Variants in TENM4 observed in about 807,000 individuals in gnomAD.
TENM4 encodes teneurin-4.
TENM4 carries 82 observed loss-of-function variants against 243.3 expected under a neutral mutation model. The ratio of observed to expected loss-of-function variants is 0.34; its 90% CI spans 0.28 to 0.40. The LOEUF (loss-of-function observed/expected upper bound fraction) is 0.40. Ranked by LOEUF, TENM4 falls within the 10% of genes least tolerant of loss-of-function variation. The pLI is 1.00. For missense variants in TENM4, 3,138 were observed against 3,673.3 expected (o/e 0.85, Z 3.77); for synonymous variants, 1,412 against 1,456.3 (o/e 0.97, Z 0.69).
At chr11:78,732,607 C>T (rs201741437) in intron 20 of TENM4, 30 bp from the exon 21 acceptor site, 85 of 1,556,316 alleles carry the variant, frequency 5.5e-5, no homozygotes, top group South Asian at 3.5e-4. Context: ...TGAGAAGGGG[C>T]GGGGAGCAGG....
intron 4 of TENM4, among the ~76,000 whole-genome samples, chr11:79,138,089 A>C (rs971266717): frequency 1.3e-5 from 2 of 151,660 alleles, no homozygotes; most frequent in Non-Finnish European, 2.9e-5. Context: ...ATCAGTTGCC[A>C]GCATGGCTAG....
intron 3 of TENM4, among the ~76,000 whole-genome samples, chr11:79,164,002 AG>A (rs59144840): frequency 6.5e-4 from 47 of 72,774 alleles, no homozygotes; most frequent in African/African-American, 1.9e-3. Context: ...TATATAGTAT[AG>A]TATATAGTAT....
rs1339842469 is a variant in TENM4 at position 78,658,072 on chromosome 11, T to A, written c.8296A>T (p.Met2766Leu). ...GGTCCTCTCTGTCACCTCCGGCCCATCTCGCTCTGTCTCATGAAGTGGATG... is the reference window on the plus strand; with the variant it reads ...GGTCCTCTCTGTCACCTCCGGCCCAACTCGCTCTGTCTCATGAAGTGGATG... ...NNIHFMRQSEMGRR is the reference protein window; with the variant it reads ...NNIHFMRQSELGRR The change falls in exon 34 of 34, where the codon ATG becomes TTG. Residue 2766 changes from methionine to leucine, a missense_variant. By Grantham distance (15) the Met-to-Leu change is conservative. Around this residue, in one of 2 missense-constraint regions of TENM4, gnomAD observed 2,467 missense variants for 3,059.1 expected, o/e 0.81. Transcript: ENST00000278550. 1 of 1,612,678 alleles carries A rather than the reference T, an allele frequency of 6.2e-7. No homozygotes were observed. Among genetic ancestry groups the A allele is most frequent in the South Asian group, 1.1e-5 (1 of 90,990 alleles).
intron 16 of TENM4, among the ~76,000 whole-genome samples, chr11:78,786,377 G>T (rs1856935808): frequency 6.6e-6 from 1 of 152,268 alleles, no homozygotes; most frequent in South Asian, 2.1e-4. Flanking sequence ...AGCCCAGTGG[G>T]CATGGAGGGC....
chr11:79,411,459 G>A (rs192309135), intron 1 of TENM4, among the ~76,000 whole-genome samples: 3 of 152,296 alleles, frequency 2.0e-5, no homozygotes, highest in South Asian at 2.1e-4. Flanking sequence ...GCTCTCCAGC[G>A]TGAAGCAAGT....
chr11:78,889,788 C>A lies in TENM4; in HGVS notation c.1081G>T (p.Val361Leu), dbSNP rs1443540946. ...ATLVILLAYFVAMHLFGLNWH... is the reference protein window; with the variant it reads ...ATLVILLAYFLAMHLFGLNWH... Reference sequence around the variant, plus strand: ...GCTGGGGTGAAGAGGTGCTTACCCACAAAGTATGCCAGCAGGATGACCAGA... The same window carrying A: ...GCTGGGGTGAAGAGGTGCTTACCCAAAAAGTATGCCAGCAGGATGACCAGA... The change falls in exon 9 of 34, where the codon GTG becomes TTG. Residue 361 changes from valine (V) to leucine (L), a missense_variant. Around this residue, in one of 2 missense-constraint regions of TENM4, gnomAD observed 671 missense variants for 614.1 expected, o/e 1.09. Transcript: ENST00000278550. 3.2e-6 allele frequency: 5 copies of A among 1,552,020 alleles called. No individual in the cohort carries two copies. Among genetic ancestry groups the A allele is most frequent in the Non-Finnish European group, 4.4e-6 (5 of 1,147,028 alleles).
At chr11:79,397,942 A>G (rs967941675) in intron 1 of TENM4, among the ~76,000 whole-genome samples, 1 of 152,232 alleles carries the variant, frequency 6.6e-6, no homozygotes, top group East Asian at 1.9e-4. Context: ...GCCCATTTAT[A>G]TGAGTTTTCT....
intron 1 of TENM4, among the ~76,000 whole-genome samples, chr11:79,316,573 T>C (rs139991443): frequency 0.015 from 2,221 of 152,334 alleles, 55 homozygotes; most frequent in African/African-American, 0.05. Flanking sequence ...AATGAAATTT[T>C]GTAACAATTT....
intron 4 of TENM4, among the ~76,000 whole-genome samples, chr11:79,106,003 A>T (rs900612440): frequency 7.2e-5 from 11 of 152,254 alleles, no homozygotes. Context: ...TACAACCACA[A>T]ACAAGAAGTT....
At chr11:78,883,396 G>A (rs1423822373) in intron 9 of TENM4, among the ~76,000 whole-genome samples, 2 of 152,290 alleles carry the variant, frequency 1.3e-5, no homozygotes, top group South Asian at 2.1e-4. Flanking sequence ...AGATTTCTGC[G>A]GAGGTGGTCA....
At chr11:79,412,999 T>C (rs1281154731) in intron 1 of TENM4, among the ~76,000 whole-genome samples, 1 of 152,238 alleles carries the variant, frequency 6.6e-6, no homozygotes, top group Non-Finnish European at 1.5e-5. Context: ...GCACCCATGG[T>C]GGGTACCTTT....
intron 6 of TENM4, among the ~76,000 whole-genome samples, chr11:79,031,934 T>C (rs1859250669): frequency 6.6e-6 from 1 of 152,172 alleles, no homozygotes; most frequent in African/African-American, 2.4e-5. Flanking sequence ...CTAAACATCC[T>C]ACAATGCACA....
chr11:79,024,391 G>A (rs545462799), intron 6 of TENM4, among the ~76,000 whole-genome samples: 6 of 152,198 alleles, frequency 3.9e-5, no homozygotes, highest in Admixed American at 6.5e-5. Context: ...TAGCAGAGAG[G>A]GGGGGCAGCA....
At chr11:79,201,563 A>G (rs1230117545) in intron 3 of TENM4, among the ~76,000 whole-genome samples, 2 of 152,120 alleles carry the variant, frequency 1.3e-5, no homozygotes, top group East Asian at 3.8e-4. Context: ...TTTATTGGGT[A>G]CCTACCATAA....
At chr11:78,744,665 G>T (rs1043371372) in intron 19 of TENM4, among the ~76,000 whole-genome samples, 4 of 152,204 alleles carry the variant, frequency 2.6e-5, no homozygotes, top group Admixed American at 6.5e-5. Flanking sequence ...ATTTTTGATT[G>T]CACGCCCTTT....
At chr11:79,389,125 C>T (rs1161794974) in intron 1 of TENM4, among the ~76,000 whole-genome samples, 2 of 152,108 alleles carry the variant, frequency 1.3e-5, no homozygotes, top group Non-Finnish European at 2.9e-5. Flanking sequence ...ATATCTTGCC[C>T]TCATGCCCAG....
chr11:79,409,124 G>T (rs550019824), intron 1 of TENM4, among the ~76,000 whole-genome samples: 3 of 149,922 alleles, frequency 2.0e-5, no homozygotes, highest in Admixed American at 1.3e-4. Flanking sequence ...GTGCGTGCAC[G>T]CGCACGCACA....
chr11:78,756,692 G>T, intron 19 of TENM4, 113 bp downstream of exon 19: 1 of 983,606 alleles, frequency 1.0e-6, no homozygotes, highest in Non-Finnish European at 1.5e-6. Flanking sequence ...CAGGAACCAT[G>T]GATGCTCTCA....
At chr11:78,672,933 CA>C (rs1858371070) in intron 30 of TENM4, among the ~76,000 whole-genome samples, 3 of 151,952 alleles carry the variant, frequency 2.0e-5, no homozygotes, top group Non-Finnish European at 4.4e-5. Flanking sequence ...TCCTGCTTGC[CA>C]CTACAATCAG....
Sources: allele counts gnomAD v4.1 joint callset (sites outside exome capture counted in the v4.1 genomes callset), GRCh38; gene constraint gnomAD v4.1.1; regional missense constraint gnomAD v4.1.1; transcripts MANE v1.5; gene names NCBI Gene and HGNC (gene_info 2026-07-23, HGNC 2026-07-21).